PCDHGB4: variants seen among roughly 807,000 people sequenced by gnomAD.
The protein encoded by PCDHGB4 is protocadherin gamma-B4.
A neutral mutation model predicts 60.5 loss-of-function variants in PCDHGB4; 38 were observed. That is an observed-to-expected ratio of 0.63 (90% CI 0.48 to 0.82). The LOEUF is 0.82. Among genes scored for constraint, PCDHGB4 ranks in the 40% least tolerant of loss-of-function variants. The probability of loss-of-function intolerance (pLI) is 0.00; values close to 1 mark genes in which losing one functional copy is unlikely to be tolerated. For synonymous variants in PCDHGB4, 456 were observed against 509.7 expected (o/e 0.89, Z 1.42); for missense variants, 1,109 against 1,209.6 (o/e 0.92, Z 1.23).
rs1491285973 is a variant in PCDHGB4, at chr5:141,415,739, GGT to G, written c.2397+25459_2397+25460del. 5.5e-5 allele frequency: 24 copies of G among 435,136 alleles called. No individual in the cohort carries two copies. The African/African-American group carries it at 7.2e-4, about 13-fold the overall frequency. 27.0% of individuals were successfully genotyped at this position (435,136 alleles called of 1,614,324 possible). A position where few individuals can be genotyped will look rare whatever the true frequency, so the allele number is the denominator to read the frequency against. On this transcript the variant is annotated intron_variant, in intron 1 of 3. Transcript: ENST00000519479. Reference sequence around the variant, plus strand: ...ATGAGTAGAATTTGATGTTTATTAAGGTTTTTTTTTTTTTTTTTTTTTTTTTT... The same window carrying G: ...ATGAGTAGAATTTGATGTTTATTAAGTTTTTTTTTTTTTTTTTTTTTTTTT...
intron 1 of PCDHGB4, among the ~76,000 whole-genome samples, chr5:141,442,702 T>A (rs1301940560): frequency 1.3e-5 from 2 of 152,342 alleles, no homozygotes; most frequent in African/African-American, 4.8e-5. Context: ...GACAAGAGTA[T>A]CAGACATGCC....
intron 1 of PCDHGB4, chr5:141,415,156 A>T: frequency 6.2e-7 from 1 of 1,613,798 alleles, no homozygotes. Flanking sequence ...TCTCTCCGCC[A>T]CTGTCACGCT....
chr5:141,417,821 A>G (rs769813917), intron 1 of PCDHGB4: 1 of 1,514,942 alleles, frequency 6.6e-7, no homozygotes, highest in African/African-American at 1.4e-5. Flanking sequence ...ACTTTCTCCA[A>G]CTGGAAAAGC....
chr5:141,486,552 A>C lies in PCDHGB4; in HGVS notation c.2398-8255A>C. The C allele has an allele frequency of 6.2e-7, 1 of 1,614,136 alleles. No individual in the cohort carries two copies. The highest frequency in any genetic ancestry group is 1.1e-5 in the South Asian group (1 of 91,082). On this transcript the variant is annotated intron_variant, in intron 1 of 3. Coordinates refer to ENST00000519479, the MANE Select transcript of PCDHGB4 (RefSeq NM_003736.4). This position sits in a 1 kb window ranked among gnomAD's most constrained non-coding sequence, Gnocchi z 5.0. The stretch of plus-strand genomic sequence containing the variant: ...CCACCCTCTTTCTTTCAGAGGTCAC[A>C]TGAGGTGTTTGTTCCTGAGAACAAT...
At chr5:141,392,633 A>T (rs2092567816) in intron 1 of PCDHGB4, 1 of 610,728 alleles carries the variant, frequency 1.6e-6, no homozygotes, top group African/African-American at 1.9e-5. Flanking sequence ...CTCAGATCTC[A>T]CACCTCACGA....
intron 1 of PCDHGB4, chr5:141,478,174 G>GA (rs1156842877): frequency 3.7e-6 from 6 of 1,613,692 alleles, no homozygotes; most frequent in South Asian, 1.1e-5. Context: ...CCCGGGAGCA[G>GA]AAAAAAAATC....
At chr5:141,455,661 T>TG (rs2098828692) in intron 1 of PCDHGB4, among the ~76,000 whole-genome samples, 1 of 152,024 alleles carries the variant, frequency 6.6e-6, no homozygotes, top group South Asian at 2.1e-4. Context: ...CAGGAACTTG[T>TG]GGGGCAAGGG....
At position 141,493,841 on chromosome 5, in the gene PCDHGB4, T is replaced by C. The variant is rs774682943; in HGVS notation, c.2398-966T>C. On this transcript the variant is annotated intron_variant, in intron 1 of 3. Transcript: ENST00000519479. The surrounding 1 kb of genome is among the most constrained non-coding windows in gnomAD (Gnocchi z 4.3). ...CTCTGCTTCTGGGAGCAAGTATGAGTATTAATTACCAGCCCACCCCAGAAC... is the reference window on the plus strand; with the variant it reads ...CTCTGCTTCTGGGAGCAAGTATGAGCATTAATTACCAGCCCACCCCAGAAC... Among the ~76,000 whole-genome samples the C allele has an allele frequency of 3.3e-5, 5 of 152,140 alleles. No homozygotes were observed. In the East Asian group the frequency reaches 9.7e-4, roughly 29 times the overall value.
chr5:141,490,480 C>A lies in PCDHGB4; in HGVS notation c.2398-4327C>A, dbSNP rs564439931. ...GCTGCTAACCAGCCAGCCTTTGGAC[C>A]GGGAGGCCACATCCCACTATATCAT... On this transcript the variant is annotated intron_variant, in intron 1 of 3. Transcript: ENST00000519479. The surrounding 1 kb of genome is among the most constrained non-coding windows in gnomAD (Gnocchi z 5.4). 2.5e-5 allele frequency: 40 copies of A among 1,614,076 alleles called. No homozygotes were observed. The highest frequency in any genetic ancestry group is 5.9e-6 in the Non-Finnish European group (7 of 1,180,058).
At chr5:141,501,716 A>G (rs2099810687) in intron 2 of PCDHGB4, among the ~76,000 whole-genome samples, 1 of 152,160 alleles carries the variant, frequency 6.6e-6, no homozygotes, top group African/African-American at 2.4e-5. Flanking sequence ...TAAAAAAGAC[A>G]AATATATTAC....
chr5:141,398,189 T>A (rs926901002), intron 1 of PCDHGB4: 41 of 1,482,238 alleles, frequency 2.8e-5, no homozygotes, highest in Non-Finnish European at 3.5e-5. Context: ...TTTCTCTTCC[T>A]GCTGTCTTTG....
chr5:141,502,661 T>G (rs1440361647), intron 2 of PCDHGB4, among the ~76,000 whole-genome samples: 1 of 152,240 alleles, frequency 6.6e-6, no homozygotes. Flanking sequence ...CAACCCTTCA[T>G]GCAATTTTAG....
chr5:141,416,031 C>G (rs1301059596), intron 1 of PCDHGB4: 1 of 207,362 alleles, frequency 4.8e-6, no homozygotes, highest in Non-Finnish European at 9.4e-6. Context: ...AGAAAGAAAT[C>G]ACCTCTGGAA....
intron 1 of PCDHGB4, chr5:141,410,555 C>T (rs768561351): frequency 1.9e-6 from 3 of 1,613,084 alleles, no homozygotes; most frequent in Middle Eastern, 1.6e-4. Context: ...CAGTGTTTCT[C>T]CTGGAGCCTT....
At position 141,389,414 on chromosome 5, in the gene PCDHGB4, G is replaced by A. The variant is rs2091750366; in HGVS notation, c.1530G>A (p.Gly510=). The change falls in exon 1 of 4, where the codon GGG becomes GGA. Residue 510 remains glycine (G), a synonymous_variant. Transcript: ENST00000519479. ...ACGTGTCCATAAGCGCGGAGAGCGGGGTGGTGTTCGCGCAGCGCGCCTTCG... is the reference window on the plus strand; with the variant it reads ...ACGTGTCCATAAGCGCGGAGAGCGGAGTGGTGTTCGCGCAGCGCGCCTTCG... ...SSYVSISAES[G]VVFAQRAFDH... is the part of the protein sequence containing the mutation. The A allele has an allele frequency of 6.2e-7, 1 of 1,613,464 alleles. No homozygotes were observed. Among genetic ancestry groups the A allele is most frequent in the Non-Finnish European group, 8.5e-7 (1 of 1,179,916 alleles).
chr5:141,499,260 G>T (rs2099790657), intron 2 of PCDHGB4, among the ~76,000 whole-genome samples: 1 of 152,028 alleles, frequency 6.6e-6, no homozygotes, highest in African/African-American at 2.4e-5. Context: ...GTCTCCATTT[G>T]GTCCCTAGAC....
intron 1 of PCDHGB4, chr5:141,404,338 G>A (rs752211796): frequency 1.9e-5 from 30 of 1,613,686 alleles, no homozygotes; most frequent in Non-Finnish European, 2.4e-5. Flanking sequence ...TCTACCTCCC[G>A]GAAAACAACG....
chr5:141,433,307 C>A, intron 1 of PCDHGB4: 1 of 913,756 alleles, frequency 1.1e-6, no homozygotes, highest in Non-Finnish European at 1.6e-6. Flanking sequence ...AATTATCCCA[C>A]CTTTGCCTCC....
intron 1 of PCDHGB4, among the ~76,000 whole-genome samples, chr5:141,448,831 G>C (rs985602153): frequency 4.6e-5 from 7 of 152,096 alleles, no homozygotes; most frequent in Non-Finnish European, 7.4e-5. Flanking sequence ...TGTAGTCCCA[G>C]CTACTCTGGA....
Sources: gnomAD v4.1 joint callset for allele counts (sites outside exome capture counted in the v4.1 genomes callset) on GRCh38, gnomAD v4.1.1 for gene constraint, Gnocchi (gnomAD v3.1) non-coding constraint, MANE v1.5 for transcripts, NCBI Gene and HGNC (gene_info 2026-07-23, HGNC 2026-07-21) for gene names.